The following ZNF486 variants were observed in gnomAD, a reference collection of about 807,000 sequenced individuals.
ZNF486 encodes the protein KRAB box only protein 2.
ZNF486 carries 12 observed loss-of-function variants against 12.8 expected under a neutral mutation model. The ratio of observed to expected loss-of-function variants is 0.94; its 90% CI spans 0.60 to 1.52. ZNF486 has a LOEUF of 1.52. Ranked by LOEUF, ZNF486 falls within the 40% of genes most tolerant of loss-of-function variation. ZNF486 has a pLI of 0.00. For missense variants in ZNF486, 738 were observed against 545.0 expected, an observed-to-expected ratio of 1.35 and a Z score of -3.53; for synonymous variants, 231 against 184.9, an observed-to-expected ratio of 1.25 and a Z score of -2.02.
In ZNF486 at chr19:20,193,413, G is replaced by A. The variant is rs190817550; in HGVS notation, c.254-3551G>A. Among the ~76,000 whole-genome samples, 210 of 151,770 alleles carry A rather than the reference G, an allele frequency of 1.4e-3. 2 individuals carry two copies. Among genetic ancestry groups the A allele is most frequent in the Non-Finnish European group, 1.7e-3 (118 of 67,952 alleles). On this transcript the variant is annotated intron_variant, in intron 3 of 3. Coordinates refer to ENST00000335117, the MANE Select transcript of ZNF486 (RefSeq NM_052852.4). ...ATGGTGGCTCATGCCTGTGTTCTCA[G>A]CACTTTGGGAGGCCGAGGTGGGTGA...
At position 20,179,960 on chromosome 19, in the gene ZNF486, C is replaced by T. The variant is rs560846912; in HGVS notation, c.31-4396C>T. 1.1e-4 allele frequency among the ~76,000 whole-genome samples: 17 copies of T among 152,292 alleles called. No individual in the cohort carries two copies. In the South Asian group the frequency reaches 3.5e-3, roughly 32 times the overall value. Reference sequence around the variant, plus strand: ...TGGAGTAGAGTATTTTTGTTTCTTTCTCTCATCCAAGAGCTAGCAAATCAG... The same window carrying T: ...TGGAGTAGAGTATTTTTGTTTCTTTTTCTCATCCAAGAGCTAGCAAATCAG... On this transcript the variant is annotated intron_variant, in intron 1 of 3. Transcript: ENST00000335117.
chr19:20,167,350 G>T lies in ZNF486; in HGVS notation c.20G>T (p.Ser7Ile). Residue 7 changes from serine to isoleucine, a missense_variant, in exon 1 of 4, where the codon AGC (serine) becomes ATC (isoleucine). Ser to Ile is a moderately radical substitution (Grantham distance 142). Transcript: ENST00000335117. ...GCCAAGATGCCGGGACCCCTTAGAA[G>T]CCTAGAAATGGTGAGAGTGCCCATT... MPGPLR[S>I]LEMESLQFRD... The T allele has an allele frequency of 1.9e-6, 3 of 1,613,880 alleles. No individual in the cohort carries two copies. The highest frequency in any genetic ancestry group is 1.1e-5 in the South Asian group (1 of 91,064).
At chr19:20,172,581 G>A (rs1211951572) in intron 1 of ZNF486, among the ~76,000 whole-genome samples, 2 of 152,000 alleles carry the variant, frequency 1.3e-5, no homozygotes, top group African/African-American at 4.8e-5. Context: ...TTACATGCAT[G>A]AGCCACCATG....
intron 3 of ZNF486, among the ~76,000 whole-genome samples, chr19:20,189,860 A>G (rs1555716953): frequency 6.6e-6 from 1 of 152,178 alleles, no homozygotes; most frequent in Non-Finnish European, 1.5e-5. Context: ...TTGCTCATGC[A>G]TTTAATGTCG....
intron 1 of ZNF486, among the ~76,000 whole-genome samples, chr19:20,172,151 G>A (rs2089655022): frequency 6.7e-6 from 1 of 150,212 alleles, no homozygotes; most frequent in African/African-American, 2.5e-5. Context: ...TTACAAGCAT[G>A]CACCACCATG....
At chr19:20,176,802 G>C (rs1470301903) in intron 1 of ZNF486, 1 of 152,998 alleles carries the variant, frequency 6.5e-6, no homozygotes, top group Non-Finnish European at 1.5e-5. Flanking sequence ...CTCGGCATCA[G>C]AGGGAGACTG....
At chr19:20,179,308 T>C (rs118170821) in intron 1 of ZNF486, among the ~76,000 whole-genome samples, 3,420 of 152,304 alleles carry the variant, frequency 0.022, 54 homozygotes, top group Non-Finnish European at 0.033. Flanking sequence ...TAAAAACTTT[T>C]GACAAACAAC....
chr19:20,194,910 A>G (rs930144937), intron 3 of ZNF486, among the ~76,000 whole-genome samples: 2 of 152,056 alleles, frequency 1.3e-5, no homozygotes, highest in Non-Finnish European at 2.9e-5. Context: ...TCATGTTTAC[A>G]TCATATTTTC....
intron 3 of ZNF486, among the ~76,000 whole-genome samples, chr19:20,195,926 C>T (rs2089953904): frequency 6.6e-6 from 1 of 152,138 alleles, no homozygotes; most frequent in South Asian, 2.1e-4. Context: ...GACACATTAT[C>T]TGGTGTCTAA....
intron 1 of ZNF486, among the ~76,000 whole-genome samples, chr19:20,178,990 C>T (rs1025030275): frequency 6.6e-6 from 1 of 152,222 alleles, no homozygotes; most frequent in Admixed American, 6.5e-5. Flanking sequence ...ACCTGCTGCT[C>T]CTCCTGCCAT....
chr19:20,179,485 T>A (rs976986110), intron 1 of ZNF486, among the ~76,000 whole-genome samples: 2 of 152,208 alleles, frequency 1.3e-5, no homozygotes, highest in East Asian at 3.8e-4. Flanking sequence ...TGTCACCTTT[T>A]TTTTAAATGT....
In ZNF486 at chr19:20,200,252, G is replaced by A. The variant is rs1041624494; in HGVS notation, c.*2150G>A. ...TTAGAGATAGTTTTTTATTAATTGG[G>A]CATTTATGACCTTTTCTATAAAAGT... On this transcript the variant is annotated 3_prime_UTR_variant, in exon 4 of 4. Coordinates refer to ENST00000335117, the MANE Select transcript of ZNF486 (RefSeq NM_052852.4). 2 of 151,996 alleles carry A rather than the reference G, an allele frequency of 1.3e-5. No individual in the cohort carries two copies. Among genetic ancestry groups the A allele is most frequent in the Non-Finnish European group, 2.9e-5 (2 of 68,020 alleles). The allele number at this position is 151,996 out of a possible 1,614,324, so 9.4% of individuals were successfully genotyped here. A position where few individuals can be genotyped will look rare whatever the true frequency, so the allele number is the denominator to read the frequency against.
intron 1 of ZNF486, chr19:20,176,379 G>T: frequency 6.6e-6 from 1 of 151,264 alleles, no homozygotes; most frequent in Non-Finnish European, 1.3e-5. Flanking sequence ...CATCCCAGAC[G>T]ATGGGCGGCC....
At chr19:20,172,029 A>G (rs1555713955) in intron 1 of ZNF486, among the ~76,000 whole-genome samples, 1 of 141,914 alleles carries the variant, frequency 7.0e-6, no homozygotes, top group African/African-American at 2.6e-5. Flanking sequence ...TTTGAGCTGG[A>G]CTTTTGCTCT....
At chr19:20,172,161 GT>G in intron 1 of ZNF486, among the ~76,000 whole-genome samples, 1 of 150,190 alleles carries the variant, frequency 6.7e-6, no homozygotes, top group Non-Finnish European at 1.5e-5. Context: ...GCACCACCAT[GT>G]CTAGCTAATT....
In ZNF486 at chr19:20,197,108, A is replaced by C. The variant is rs1555718115; in HGVS notation, c.398A>C (p.Lys133Thr). The change falls in exon 4 of 4, where the codon AAG becomes ACG. Residue 133 changes from lysine to threonine, a missense_variant. Physicochemically the swap from Lys to Thr is moderately conservative, Grantham distance 78. Coordinates refer to ENST00000335117, the MANE Select transcript of ZNF486 (RefSeq NM_052852.4). ...KKGCESVDEC[K>T]LHKRGYNGLN... ...GGCTGTGAAAGTGTGGATGAGTGTA[A>C]GTTACACAAAAGAGGTTATAATGGA... The C allele has an allele frequency of 6.2e-7, 1 of 1,613,760 alleles. No individual in the cohort carries two copies. Among genetic ancestry groups the C allele is most frequent in the Admixed American group, 1.7e-5 (1 of 59,958 alleles).
In ZNF486 at chr19:20,199,361, A is replaced by T. The variant is rs2089992411; in HGVS notation, c.*1259A>T. 6.6e-6 allele frequency: 1 copy of T among 152,304 alleles called. No homozygotes were observed. Among genetic ancestry groups the T allele is most frequent in the Non-Finnish European group, 1.5e-5 (1 of 68,028 alleles). 9.4% of individuals were successfully genotyped at this position (152,304 alleles called of 1,614,324 possible). ...GAAGGAAACCCTAAAGCGGTTGCCA[A>T]ACTTTGTGCAACATCAGGGAATGTA... On this transcript the variant is annotated 3_prime_UTR_variant, in exon 4 of 4. Transcript: ENST00000335117.
chr19:20,193,666 A>G (rs1374975311), intron 3 of ZNF486, among the ~76,000 whole-genome samples: 7 of 152,138 alleles, frequency 4.6e-5, no homozygotes, highest in Non-Finnish European at 7.4e-5. Context: ...GTCTCAAAAA[A>G]TAAAAAAAAA....
intron 1 of ZNF486, among the ~76,000 whole-genome samples, chr19:20,183,350 T>A (rs1415847971): frequency 6.6e-6 from 1 of 152,188 alleles, no homozygotes; most frequent in Non-Finnish European, 1.5e-5. Flanking sequence ...AAATGCTTTT[T>A]TATATGGAAT....
Sources: gnomAD v4.1 joint callset for allele counts (sites outside exome capture counted in the v4.1 genomes callset) on GRCh38, gnomAD v4.1.1 for gene constraint, MANE v1.5 for transcripts, NCBI Gene and HGNC (gene_info 2026-07-23, HGNC 2026-07-21) for gene names.